The following RSF1 variants were observed in gnomAD, a reference collection of about 807,000 sequenced individuals.
RSF1 encodes the protein HBV pX-associated protein 8.
A neutral mutation model predicts 145.2 loss-of-function variants in RSF1; 13 were observed. That is an observed-to-expected ratio of 0.09 (90% CI 0.06 to 0.14). The LOEUF is 0.14. RSF1 is among the 10% of genes least tolerant of loss of function. The probability of loss-of-function intolerance (pLI) is 1.00; values close to 1 mark genes in which losing one functional copy is unlikely to be tolerated. For synonymous variants in RSF1, 577 were observed against 592.6 expected (o/e 0.97, Z 0.38); for missense variants, 1,517 against 1,718.2 (o/e 0.88, Z 2.07).
rs990550241 is a variant in RSF1, at chr11:77,693,199, A to C, written c.2820+308T>G. ...CCAAAAAAGAGGATGAAACAAAGTG[A>C]TACATAGGAAGAAACATATATCCTT... On this transcript the variant is annotated intron_variant, in intron 8 of 15. Coordinates refer to ENST00000308488, the MANE Select transcript of RSF1 (RefSeq NM_016578.4). Among the ~76,000 whole-genome samples the C allele has an allele frequency of 3.3e-5, 5 of 152,348 alleles. No individual in the cohort carries two copies. The East Asian group carries it at 9.6e-4, about 29-fold the overall frequency.
At chr11:77,733,193 T>C (rs1288344790) in intron 4 of RSF1, among the ~76,000 whole-genome samples, 1 of 152,208 alleles carries the variant, frequency 6.6e-6, no homozygotes, top group Non-Finnish European at 1.5e-5. Context: ...CAAGAAGGTG[T>C]TTCAGTTGGT....
chr11:77,769,129 C>A (rs1390685709), intron 1 of RSF1, among the ~76,000 whole-genome samples: 1 of 152,152 alleles, frequency 6.6e-6, no homozygotes, highest in Non-Finnish European at 1.5e-5. Flanking sequence ...GCAATCTCAG[C>A]TCACTAGAAC....
At chr11:77,678,224 T>C (rs1959764592) in intron 11 of RSF1, 71 bp from the exon 12 acceptor site, 2 of 888,024 alleles carry the variant, frequency 2.3e-6, no homozygotes, top group Non-Finnish European at 3.2e-6. Flanking sequence ...TTATTTTTAT[T>C]TATTTATTTT....
At chr11:77,738,311 T>A (rs1961417007) in intron 4 of RSF1, among the ~76,000 whole-genome samples, 1 of 152,172 alleles carries the variant, frequency 6.6e-6, no homozygotes. Flanking sequence ...AAAAATTAAG[T>A]ACATTAGCCC....
At chr11:77,785,818 C>T (rs1277076557) in intron 1 of RSF1, among the ~76,000 whole-genome samples, 3 of 123,580 alleles carry the variant, frequency 2.4e-5, no homozygotes, top group African/African-American at 9.1e-5. Flanking sequence ...CCCAGCTACT[C>T]GGGAGGCTGA....
Position 77,808,527 on chromosome 11 carries a change from CTTTTTTTTTTTT to C in RSF1, c.187+11989_187+12000del, listed in dbSNP as rs745630976. On this transcript the variant is annotated intron_variant, in intron 1 of 15. Transcript: ENST00000308488. ...TTAGTATCCCATTCAAATATTATAC[CTTTTTTTTTTTT>C]TTTTTTTTTTTTGAGACGGAGTCTC... Among the ~76,000 whole-genome samples the C allele has an allele frequency of 6.5e-4, 39 of 60,002 alleles. 3 individuals are homozygous for C. The highest frequency in any genetic ancestry group is 3.0e-3 in the African/African-American group (35 of 11,858). The allele number at this position is 60,002 out of a possible 152,430, so 39.4% of individuals were successfully genotyped here.
chr11:77,746,571 C>T (rs7358471), intron 3 of RSF1, among the ~76,000 whole-genome samples: 38,549 of 151,894 alleles, frequency 0.25, 5,590 homozygotes, highest in South Asian at 0.49. Context: ...AGGAAGTGGG[C>T]AGGAAAAGAA....
chr11:77,855,164 A>G, the RSF1 span, among the ~76,000 whole-genome samples: 1 of 152,096 alleles, frequency 6.6e-6, no homozygotes, highest in Non-Finnish European at 1.5e-5. Flanking sequence ...ATTTCCTCCT[A>G]GGCCTCCAGG....
At chr11:77,699,308 T>G (rs1416627440) in intron 6 of RSF1, among the ~76,000 whole-genome samples, 1 of 152,236 alleles carries the variant, frequency 6.6e-6, no homozygotes, top group Non-Finnish European at 1.5e-5. Flanking sequence ...AAATTTATAA[T>G]GTGACTAACA....
At chr11:77,785,139 T>C (rs2135960422) in intron 1 of RSF1, among the ~76,000 whole-genome samples, 1 of 152,304 alleles carries the variant, frequency 6.6e-6, no homozygotes, top group South Asian at 2.1e-4. Flanking sequence ...ACTTCTTTTA[T>C]TTCACCCATC....
intron 5 of RSF1, among the ~76,000 whole-genome samples, chr11:77,721,328 G>T (rs1398105070): frequency 6.6e-6 from 1 of 152,222 alleles, no homozygotes; most frequent in Middle Eastern, 3.4e-3. Flanking sequence ...GTTTACATCC[G>T]AAAGGAATAA....
At position 77,661,507 on chromosome 11, in the gene RSF1, T is replaced by C. The variant is rs1959233301; in HGVS notation, c.*5410A>G. On this transcript the variant is annotated 3_prime_UTR_variant, in exon 16 of 16. Transcript: ENST00000308488. ...CTTAAAGCTTTGGAGACAGGGCTTG[T>C]TACTCTAATTTCAAGGCTTGTCCAC... is the stretch of plus-strand genomic sequence containing the variant. 6.6e-6 allele frequency: 1 copy of C among 151,920 alleles called. No individual in the cohort carries two copies. Among genetic ancestry groups the C allele is most frequent in the African/African-American group, 2.4e-5 (1 of 41,358 alleles). The allele number at this position is 151,920 out of a possible 1,614,324, so 9.4% of individuals were successfully genotyped here.
chr11:77,783,073 T>C (rs1948419976), intron 1 of RSF1, among the ~76,000 whole-genome samples: 1 of 152,248 alleles, frequency 6.6e-6, no homozygotes, highest in Non-Finnish European at 1.5e-5. Flanking sequence ...CTTTAAGTTT[T>C]TGTGGTTGCT....
At chr11:77,672,514 A>G (rs962344086) in intron 14 of RSF1, among the ~76,000 whole-genome samples, 1 of 151,858 alleles carries the variant, frequency 6.6e-6, no homozygotes, top group African/African-American at 2.4e-5. Context: ...AGGCATATGC[A>G]CTACCACTCC....
intron 1 of RSF1, among the ~76,000 whole-genome samples, chr11:77,775,578 A>G (rs1948334134): frequency 1.3e-5 from 2 of 152,246 alleles, no homozygotes; most frequent in Admixed American, 1.3e-4. Context: ...GGCATATTCT[A>G]GTATCAGACC....
chr11:77,847,955 C>G, the RSF1 span, among the ~76,000 whole-genome samples: 2 of 151,892 alleles, frequency 1.3e-5, no homozygotes, highest in African/African-American at 2.4e-5. Context: ...AATGGTGAGG[C>G]AGAAAAAAAG....
the RSF1 span, among the ~76,000 whole-genome samples, chr11:77,844,401 C>T: frequency 1.3e-5 from 2 of 151,942 alleles, no homozygotes; most frequent in Admixed American, 6.6e-5. Flanking sequence ...CTCCCTCTGT[C>T]GTCCAGGCTA....
chr11:77,701,236 C>T lies in RSF1; in HGVS notation c.1993G>A (p.Asp665Asn), dbSNP rs780968337. The T allele has an allele frequency of 1.1e-5, 18 of 1,614,084 alleles. No homozygotes were observed. In the South Asian group the frequency reaches 1.9e-4, roughly 17 times the overall value. The change falls in exon 6 of 16, where the codon GAC becomes AAC. Residue 665 changes from aspartate to asparagine, a missense_variant. Physicochemically the swap from Asp to Asn is conservative, Grantham distance 23. Around this residue, in one of 12 missense-constraint regions of RSF1, gnomAD observed 579 missense variants for 553.5 expected, o/e 1.05. Coordinates refer to ENST00000308488, the MANE Select transcript of RSF1 (RefSeq NM_016578.4). The stretch of plus-strand genomic sequence containing the variant: ...GAATCCTCTTTTAGGGTTTCTAGGT[C>T]TACTTTTTTCACAGACTGGCCACCA... The part of the protein sequence containing the change: ...TVGGQSVKKV[D>N]LETLKEDSEF...
chr11:77,838,709 C>T, the RSF1 span, among the ~76,000 whole-genome samples: 25 of 151,632 alleles, frequency 1.6e-4, no homozygotes, highest in East Asian at 2.9e-3. Flanking sequence ...CTCCGCCTCC[C>T]GGGTTCACGC....
Sources: gnomAD v4.1 joint callset for allele counts (sites outside exome capture counted in the v4.1 genomes callset) on GRCh38, gnomAD v4.1.1 for gene constraint, gnomAD v4.1.1 regional missense constraint, MANE v1.5 for transcripts, NCBI Gene and HGNC (gene_info 2026-07-23, HGNC 2026-07-21) for gene names.